Variants in PRKN observed in about 807,000 individuals in gnomAD.
The protein encoded by PRKN is E3 ubiquitin-protein ligase parkin.
In PRKN, 56 loss-of-function variants were observed where a neutral mutation model predicts 59.5. That is an observed-to-expected ratio of 0.94 (90% confidence interval 0.76 to 1.18). The LOEUF (loss-of-function observed/expected upper bound fraction) is 1.18. Among genes scored for constraint, PRKN ranks in the 50% most tolerant of loss-of-function variants. PRKN has a pLI of 0.00. For synonymous variants in PRKN, 250 were observed against 222.1 expected (o/e 1.13, Z -1.12); for missense variants, 657 against 596.4 (o/e 1.10, Z -1.06).
At chr6:162,558,145 T>TA (rs199631691) in intron 1 of PRKN, among the ~76,000 whole-genome samples, 2,080 of 152,106 alleles carry the variant, frequency 0.014, 49 homozygotes, top group African/African-American at 0.047. Context: ...GATTTGATGA[T>TA]AAAAAAAATC....
rs1402529955 is a variant in PRKN, at chr6:161,353,325, G to A, written c.1286-3114C>T. Among the ~76,000 whole-genome samples, 1 of 152,158 alleles carries A rather than the reference G, an allele frequency of 6.6e-6. No individual in the cohort carries two copies. Among genetic ancestry groups the A allele is most frequent in the Admixed American group, 6.5e-5 (1 of 15,274 alleles). ...GAGTCCTGTCCATCCCCTGGAGGAA[G>A]GAATGCTGCACAGGGAGGCCAAGAA... On this transcript the variant is annotated intron_variant, in intron 11 of 11. Coordinates refer to ENST00000366898, the MANE Select transcript of PRKN (RefSeq NM_004562.3). The surrounding 1 kb of genome is among the most constrained non-coding windows in gnomAD (Gnocchi z 4.8).
intron 1 of PRKN, among the ~76,000 whole-genome samples, chr6:162,597,448 T>C (rs974907445): frequency 6.6e-6 from 1 of 152,224 alleles, no homozygotes; most frequent in African/African-American, 2.4e-5. Flanking sequence ...AACTCTTCTT[T>C]GAAATGGTTA....
intron 2 of PRKN, among the ~76,000 whole-genome samples, chr6:162,358,166 G>A (rs1434370429): frequency 6.6e-6 from 1 of 152,172 alleles, no homozygotes; most frequent in Non-Finnish European, 1.5e-5. Context: ...GTGTGTGTTG[G>A]GGGAGAAATA....
chr6:162,215,556 T>C (rs1037977199), intron 3 of PRKN, among the ~76,000 whole-genome samples: 1 of 152,214 alleles, frequency 6.6e-6, no homozygotes, highest in Non-Finnish European at 1.5e-5. Flanking sequence ...GTAAATTGGT[T>C]ATAAATCTTC....
At position 161,389,052 on chromosome 6, in the gene PRKN, G is replaced by T. The variant is rs372487846; in HGVS notation, c.1084-2175C>A. On this transcript the variant is annotated intron_variant, in intron 9 of 11. Coordinates refer to ENST00000366898, the MANE Select transcript of PRKN (RefSeq NM_004562.3). Reference sequence around the variant, plus strand: ...AACTAATATTTTATAGTATAAGTTAGGAATTTAGCCTAATTTTGCTTAAGA... The same window carrying T: ...AACTAATATTTTATAGTATAAGTTATGAATTTAGCCTAATTTTGCTTAAGA... 1.4e-4 allele frequency among the ~76,000 whole-genome samples: 22 copies of T among 152,268 alleles called. No homozygotes were observed. The East Asian group carries it at 3.3e-3, about 23-fold the overall frequency.
At chr6:162,235,780 G>T (rs1468250852) in intron 3 of PRKN, among the ~76,000 whole-genome samples, 1 of 151,190 alleles carries the variant, frequency 6.6e-6, no homozygotes, top group African/African-American at 2.4e-5. Flanking sequence ...TCTAGCCTGG[G>T]TGACAGAGCA....
chr6:161,540,915 T>C (rs1209739342), intron 9 of PRKN, among the ~76,000 whole-genome samples: 1 of 152,254 alleles, frequency 6.6e-6, no homozygotes, highest in Non-Finnish European at 1.5e-5. Flanking sequence ...CCTGGCAGCA[T>C]CTGTTGGAAC....
At chr6:161,612,085 A>T (rs556841963) in intron 7 of PRKN, among the ~76,000 whole-genome samples, 1 of 152,358 alleles carries the variant, frequency 6.6e-6, no homozygotes, top group Admixed American at 6.5e-5. Context: ...GCTGCATAAC[A>T]AAAGTTTGAA....
chr6:161,415,670 G>T (rs1485871889), intron 9 of PRKN, among the ~76,000 whole-genome samples: 1 of 138,232 alleles, frequency 7.2e-6, no homozygotes, highest in Admixed American at 8.3e-5. Context: ...CCTGGTTGCT[G>T]CAATAGTCTA....
chr6:162,487,001 C>T (rs971708158), intron 1 of PRKN, among the ~76,000 whole-genome samples: 5 of 151,838 alleles, frequency 3.3e-5, no homozygotes, highest in East Asian at 1.9e-4. Context: ...ACCTAGGAGG[C>T]AGAGGTTGCA....
intron 1 of PRKN, among the ~76,000 whole-genome samples, chr6:162,482,144 T>C (rs569979804): frequency 6.6e-6 from 1 of 152,326 alleles, no homozygotes; most frequent in Non-Finnish European, 1.5e-5. Flanking sequence ...CCTTATCTCC[T>C]GGGATAATTA....
intron 7 of PRKN, among the ~76,000 whole-genome samples, chr6:161,763,545 C>T (rs774212860): frequency 4.6e-5 from 7 of 151,988 alleles, no homozygotes; most frequent in Admixed American, 2.0e-4. Context: ...TCAGCGACCA[C>T]GTTGTAAGAG....
intron 5 of PRKN, among the ~76,000 whole-genome samples, chr6:161,980,768 G>A (rs1781230258): frequency 6.6e-6 from 1 of 152,192 alleles, no homozygotes; most frequent in Admixed American, 6.5e-5. Flanking sequence ...ACAGAGCAGA[G>A]AGGGGGAAAA....
rs182333015 is a variant in PRKN, at chr6:161,858,446, T to G, written c.735-72538A>C. Among the ~76,000 whole-genome samples the G allele has an allele frequency of 4.7e-3, 708 of 152,234 alleles. 3 individuals carry two copies. Among genetic ancestry groups the G allele is most frequent in the African/African-American group, 0.016 (653 of 41,548 alleles). On this transcript the variant is annotated intron_variant, in intron 6 of 11. Transcript: ENST00000366898. ...TCTAAAAACTTAGATTTCGGTAACA[T>G]GTCATCACATTGCACGAAAACTGGA...
In PRKN at chr6:161,460,926, C is replaced by CTT. The variant is rs34038024; in HGVS notation, c.1084-74051_1084-74050dup. On this transcript the variant is annotated intron_variant, in intron 9 of 11. Transcript: ENST00000366898. This position sits in a 1 kb window ranked among gnomAD's most constrained non-coding sequence, Gnocchi z 5.0. ...CACCACGCCCAGCTAATTTTTCTTT[C>CTT]TTTTTTTTTTTTAGCAGAGACGGGG... 2.1e-5 allele frequency among the ~76,000 whole-genome samples: 3 copies of CTT among 143,396 alleles called. No individual in the cohort carries two copies. The highest frequency in any genetic ancestry group is 5.1e-5 in the African/African-American group (2 of 39,364). The allele number at this position is 143,396 out of a possible 152,430, so 94.1% of individuals were successfully genotyped here.
chr6:161,687,601 C>T (rs998411178), intron 7 of PRKN, among the ~76,000 whole-genome samples: 4 of 149,160 alleles, frequency 2.7e-5, no homozygotes, highest in Admixed American at 6.6e-5. Flanking sequence ...GGACTGCAGG[C>T]GCGAACCACC....
intron 1 of PRKN, among the ~76,000 whole-genome samples, chr6:162,588,013 G>GTTTTTTTTTTTT (rs71004102): frequency 2.9e-5 from 4 of 136,676 alleles, no homozygotes; most frequent in African/African-American, 8.0e-5. Context: ...GAGTTTTTGA[G>GTTTTTTTTTTTT]TTTTTTTTTT....
chr6:162,556,856 C>A (rs535264025), intron 1 of PRKN, among the ~76,000 whole-genome samples: 1 of 152,106 alleles, frequency 6.6e-6, no homozygotes, highest in African/African-American at 2.4e-5. Flanking sequence ...CAAGCCAGCC[C>A]AGCAGAGGGC....
At chr6:161,841,746 G>C (rs1418656628) in intron 6 of PRKN, among the ~76,000 whole-genome samples, 1 of 152,122 alleles carries the variant, frequency 6.6e-6, no homozygotes, top group African/African-American at 2.4e-5. Context: ...CTTGATATAA[G>C]ATTGGTTTCT....
Sources: allele counts gnomAD v4.1 joint callset (sites outside exome capture counted in the v4.1 genomes callset), GRCh38; gene constraint gnomAD v4.1.1; non-coding constraint Gnocchi (gnomAD v3.1); transcripts MANE v1.5; gene names NCBI Gene and HGNC (gene_info 2026-07-23, HGNC 2026-07-21).